PHF20L1: variants seen among roughly 807,000 people sequenced by gnomAD.
PHF20L1 encodes the protein PHD finger protein 20-like protein 1.
PHF20L1 carries 44 observed loss-of-function variants against 125.5 expected under a neutral mutation model. The observed-to-expected ratio is 0.35, with a 90% CI of 0.28 to 0.45. The LOEUF is 0.45. PHF20L1 is among the 20% of genes least tolerant of loss of function. PHF20L1 has a pLI of 1.00. For synonymous variants in PHF20L1, 380 were observed against 403.1 expected, an observed-to-expected ratio of 0.94 and a Z score of 0.69; for missense variants, 1,012 against 1,217.2, an observed-to-expected ratio of 0.83 and a Z score of 2.51.
chr8:132,815,193 T>C (rs1214793628), intron 10 of PHF20L1: 2 of 192,446 alleles, frequency 1.0e-5, no homozygotes, highest in African/African-American at 4.6e-5. Context: ...AAAAAAAAGT[T>C]ATAAAAAGAC....
At chr8:132,802,066 A>G (rs768366914) in intron 6 of PHF20L1, among the ~76,000 whole-genome samples, 6 of 151,476 alleles carry the variant, frequency 4.0e-5, no homozygotes, top group Non-Finnish European at 7.4e-5. Context: ...TCTGTGGCAT[A>G]TAACACTTTC....
intron 14 of PHF20L1, 87 bp downstream of exon 14, chr8:132,825,458 G>A: frequency 1.8e-6 from 2 of 1,104,678 alleles, no homozygotes; most frequent in Non-Finnish European, 2.5e-6. Context: ...ATGGAGTCAT[G>A]ACACGATCCC....
At chr8:132,823,253 A>G (rs1369980857) in intron 12 of PHF20L1, among the ~76,000 whole-genome samples, 3 of 152,106 alleles carry the variant, frequency 2.0e-5, no homozygotes, top group Non-Finnish European at 4.4e-5. Context: ...ATGGAGTTCA[A>G]AGGTACAAGT....
chr8:132,799,065 A>G, intron 5 of PHF20L1, 30 bp from the exon 6 acceptor site: 2 of 1,584,120 alleles, frequency 1.3e-6, no homozygotes, highest in Middle Eastern at 1.7e-4. Flanking sequence ...TAGACCTGCT[A>G]AAGTTATAGG....
intron 6 of PHF20L1, among the ~76,000 whole-genome samples, chr8:132,802,464 T>C (rs1238188519): frequency 6.6e-6 from 1 of 151,800 alleles, no homozygotes; most frequent in African/African-American, 2.4e-5. Context: ...TTTTCTGTTC[T>C]ATAGTATTTT....
At chr8:132,806,992 C>T (rs768452206) in intron 8 of PHF20L1, 9 of 151,850 alleles carry the variant, frequency 5.9e-5, no homozygotes, top group Non-Finnish European at 7.4e-5. Context: ...ATTTTAAACC[C>T]GATTTCTGTA....
At chr8:132,825,013 T>C in intron 13 of PHF20L1, 2 of 1,411,288 alleles carry the variant, frequency 1.4e-6, no homozygotes, top group Non-Finnish European at 1.9e-6. Flanking sequence ...AGGTTTTAAC[T>C]ACTGTCTGTG....
intron 7 of PHF20L1, 33 bp downstream of exon 7, chr8:132,804,065 G>A (rs1206829275): frequency 1.2e-5 from 16 of 1,391,010 alleles, no homozygotes; most frequent in Admixed American, 1.7e-5. Context: ...AATTCCTTAT[G>A]ACACTGGTAA....
At position 132,791,886 on chromosome 8, in the gene PHF20L1, G is replaced by C. The variant is rs1305775846; in HGVS notation, c.84-2524G>C. ...ATTTTCATTTTGGTTGATGCGTCAG[G>C]CATCTCAGCCAGAATAATTTAAAAT... is the stretch of plus-strand genomic sequence containing the variant. On this transcript the variant is annotated intron_variant, in intron 2 of 20. Coordinates refer to ENST00000395386, the MANE Select transcript of PHF20L1 (RefSeq NM_016018.5). Among the ~76,000 whole-genome samples, 3 of 152,138 alleles carry C rather than the reference G, an allele frequency of 2.0e-5. No individual in the cohort carries two copies. In the South Asian group the frequency reaches 6.2e-4, roughly 31 times the overall value.
rs1838443654 is a variant in PHF20L1 at position 132,846,705 on chromosome 8, T to TCCA, written c.*782_*783insCCA. 1.3e-5 allele frequency: 2 copies of TCCA among 152,412 alleles called. No individual in the cohort carries two copies. Among genetic ancestry groups the TCCA allele is most frequent in the African/African-American group, 4.8e-5 (2 of 41,392 alleles). The allele number at this position is 152,412 out of a possible 1,614,324, so 9.4% of individuals were successfully genotyped here. A position where few individuals can be genotyped will look rare whatever the true frequency, so the allele number is the denominator to read the frequency against. ...GAGTTCTCCCACCCTAAGTCTTACA[T>TCCA]AATGCCACCAGTCCATCCAAAACCT... On this transcript the variant is annotated 3_prime_UTR_variant, in exon 21 of 21. Coordinates refer to ENST00000395386, the MANE Select transcript of PHF20L1 (RefSeq NM_016018.5).
At chr8:132,811,190 G>A (rs2131631559) in intron 9 of PHF20L1, 62 bp downstream of exon 9, 1 of 1,599,726 alleles carries the variant, frequency 6.3e-7, no homozygotes, top group Non-Finnish European at 8.5e-7. Flanking sequence ...CGGAGCTCTA[G>A]TATCTACGTA....
At chr8:132,806,166 C>T (rs1833672343) in intron 8 of PHF20L1, among the ~76,000 whole-genome samples, 1 of 151,816 alleles carries the variant, frequency 6.6e-6, no homozygotes, top group African/African-American at 2.4e-5. Context: ...GCTTTTTTTC[C>T]TTCAATTTGG....
At chr8:132,824,409 T>A (rs571352330) in intron 13 of PHF20L1, 88 of 171,716 alleles carry the variant, frequency 5.1e-4, no homozygotes, top group African/African-American at 1.8e-3. Flanking sequence ...TTTCACACTT[T>A]CTTCTTCATT....
chr8:132,844,806 TG>T (rs1367830835), intron 20 of PHF20L1, among the ~76,000 whole-genome samples: 2 of 152,102 alleles, frequency 1.3e-5, no homozygotes, highest in Non-Finnish European at 1.5e-5. Flanking sequence ...GCCTGAAAAG[TG>T]GGCAAGAAAG....
chr8:132,842,900 C>T, intron 19 of PHF20L1, 25 bp downstream of exon 19: 1 of 1,570,082 alleles, frequency 6.4e-7, no homozygotes, highest in Admixed American at 1.9e-5. Context: ...TTTTTCTTTG[C>T]TTGGAAACTA....
chr8:132,797,374 A>G (rs536278846), intron 4 of PHF20L1, among the ~76,000 whole-genome samples: 3 of 152,136 alleles, frequency 2.0e-5, no homozygotes, highest in South Asian at 4.1e-4. Flanking sequence ...TACTGGAGTC[A>G]TTGGGGAAGT....
chr8:132,842,866 G>A lies in PHF20L1; in HGVS notation c.2739G>A (p.Met913Ile). Residue 913 changes from methionine (M) to isoleucine (I), a missense_variant, in exon 19 of 21, where the codon ATG becomes ATA. Around this residue, in one of 7 missense-constraint regions of PHF20L1, gnomAD observed 277 missense variants for 283.6 expected, o/e 0.98. Transcript: ENST00000395386. Reference sequence around the variant, plus strand: ...AGTACTCAGCAAAAGAACATGGAATGCCTGAAAAGGTAAAACTAGTTCATT... The same window carrying A: ...AGTACTCAGCAAAAGAACATGGAATACCTGAAAAGGTAAAACTAGTTCATT... ...SLQYSAKEHGMPEKNPAEGNT... is the reference protein window; with the variant it reads ...SLQYSAKEHGIPEKNPAEGNT... The A allele has an allele frequency of 6.2e-7, 1 of 1,602,642 alleles. No homozygotes were observed. Among genetic ancestry groups the A allele is most frequent in the Non-Finnish European group, 8.5e-7 (1 of 1,174,668 alleles).
rs777431336 is a variant in PHF20L1 at position 132,832,255 on chromosome 8, A to T, written c.1765A>T (p.Ser589Cys). The change falls in exon 15 of 21, where the codon AGT (serine) becomes TGT (cysteine). Residue 589 changes from serine to cysteine, a missense_variant. By Grantham distance (112) the Ser-to-Cys change is moderately radical. This residue lies in a region of PHF20L1 where 320 missense variants were observed against 293.8 expected (regional missense o/e 1.09). Transcript: ENST00000395386. ...TGCAGACTATTCAGACTATGAAGACAGTTCCCTCGAATTTTTGGAAAGGTG... is the reference window on the plus strand; with the variant it reads ...TGCAGACTATTCAGACTATGAAGACTGTTCCCTCGAATTTTTGGAAAGGTG... ...KQHDYSDYED[S>C]SLEFLERCSS... 17 of 1,594,566 alleles carry T rather than the reference A, an allele frequency of 1.1e-5. No homozygotes were observed. Among genetic ancestry groups the T allele is most frequent in the Non-Finnish European group, 1.5e-5 (17 of 1,162,654 alleles).
At chr8:132,811,306 T>C (rs1834364602) in intron 9 of PHF20L1, 178 bp downstream of exon 9, 1 of 1,338,960 alleles carries the variant, frequency 7.5e-7, no homozygotes, top group Non-Finnish European at 9.6e-7. Flanking sequence ...ACAGACTTCA[T>C]TAGTGTTTGA....
Sources: allele counts gnomAD v4.1 joint callset (sites outside exome capture counted in the v4.1 genomes callset), GRCh38; gene constraint gnomAD v4.1.1; regional missense constraint gnomAD v4.1.1; transcripts MANE v1.5; gene names NCBI Gene and HGNC (gene_info 2026-07-23, HGNC 2026-07-21).